KHDRBS2: variants seen among roughly 807,000 people sequenced by gnomAD.
KHDRBS2 encodes KH RNA binding domain containing, signal transduction associated 2, also known as KH domain-containing, RNA-binding, signal transduction-associated protein 2.
A neutral mutation model predicts 44.3 loss-of-function variants in KHDRBS2; 26 were observed. That is an observed-to-expected ratio of 0.59 (90% CI 0.43 to 0.81). The LOEUF is 0.81. KHDRBS2 is among the 40% of genes least tolerant of loss of function. The pLI is 0.00. For synonymous variants in KHDRBS2, 194 were observed against 151.1 expected (o/e 1.28, Z -2.08); for missense variants, 476 against 433.1 (o/e 1.10, Z -0.88).
chr6:61,726,724 C>T (rs551968711), intron 7 of KHDRBS2, among the ~76,000 whole-genome samples: 18 of 151,962 alleles, frequency 1.2e-4, no homozygotes, highest in South Asian at 4.2e-4. Flanking sequence ...AGGGAAGTGA[C>T]GGATCTCTTC....
At chr6:62,271,179 A>G (rs892029737) in intron 1 of KHDRBS2, among the ~76,000 whole-genome samples, 1 of 152,194 alleles carries the variant, frequency 6.6e-6, no homozygotes, top group Admixed American at 6.5e-5. Context: ...ATGTATGTGT[A>G]TGTGTATATA....
chr6:61,614,011 A>C, the KHDRBS2 span, among the ~76,000 whole-genome samples: 1 of 152,234 alleles, frequency 6.6e-6, no homozygotes, highest in Non-Finnish European at 1.5e-5. Flanking sequence ...GATTCAAGTC[A>C]AAAGTATTTT....
the KHDRBS2 span, among the ~76,000 whole-genome samples, chr6:61,590,755 TA>T: frequency 2.6e-5 from 4 of 152,164 alleles, no homozygotes; most frequent in Non-Finnish European, 5.9e-5. Flanking sequence ...CAATATGACA[TA>T]GTTATTCAAT....
chr6:61,604,885 C>T, the KHDRBS2 span, among the ~76,000 whole-genome samples: 3 of 152,084 alleles, frequency 2.0e-5, no homozygotes, highest in African/African-American at 7.2e-5. Flanking sequence ...CTTGGTCTGG[C>T]CTGGCCTTCC....
the KHDRBS2 span, among the ~76,000 whole-genome samples, chr6:61,560,131 C>CT: frequency 5.9e-5 from 9 of 152,128 alleles, no homozygotes; most frequent in African/African-American, 2.2e-4. Context: ...TCATGCCACT[C>CT]TTTCACAGCC....
rs529437951 is a variant in KHDRBS2 at position 62,058,599 on chromosome 6, T to C, written c.220-10605A>G. Among the ~76,000 whole-genome samples the C allele has an allele frequency of 1.7e-3, 262 of 151,952 alleles. 7 individuals are homozygous for C. In the South Asian group the frequency reaches 0.051, roughly 30 times the overall value. On this transcript the variant is annotated intron_variant, in intron 2 of 8. Coordinates refer to ENST00000281156, the MANE Select transcript of KHDRBS2 (RefSeq NM_152688.4). ...ATCAAAAATATTCTTCTTGTATAAA[T>C]AGAGAGGAAATGACAACATTTCAGG...
chr6:62,062,790 G>A (rs956380993), intron 2 of KHDRBS2, among the ~76,000 whole-genome samples: 3 of 147,566 alleles, frequency 2.0e-5, no homozygotes, highest in Non-Finnish European at 4.5e-5. Context: ...GAGCAGAACT[G>A]AAGGAAATAG....
chr6:61,960,730 T>C (rs1039557448), intron 4 of KHDRBS2, among the ~76,000 whole-genome samples: 7 of 152,190 alleles, frequency 4.6e-5, no homozygotes, highest in Non-Finnish European at 8.8e-5. Flanking sequence ...GATCAATTTT[T>C]CTTCCTATAC....
intron 2 of KHDRBS2, among the ~76,000 whole-genome samples, chr6:62,070,135 T>C (rs1794648085): frequency 6.6e-6 from 1 of 151,760 alleles, no homozygotes; most frequent in African/African-American, 2.4e-5. Context: ...GTTAAACCTA[T>C]TTGCATCCCT....
intron 2 of KHDRBS2, among the ~76,000 whole-genome samples, chr6:62,131,195 ATAG>A (rs1444819902): frequency 1.3e-5 from 2 of 152,204 alleles, no homozygotes; most frequent in African/African-American, 4.8e-5. Context: ...AGAACCTTTG[ATAG>A]TAGAAAAACT....
chr6:61,591,616 C>A, the KHDRBS2 span, among the ~76,000 whole-genome samples: 1 of 152,018 alleles, frequency 6.6e-6, no homozygotes. Flanking sequence ...GTTTGTGTGT[C>A]CCTTGGTCAC....
At chr6:61,673,465 GA>G in the KHDRBS2 span, among the ~76,000 whole-genome samples, 2 of 150,566 alleles carry the variant, frequency 1.3e-5, no homozygotes, top group Non-Finnish European at 3.0e-5. Context: ...ATTCAAATAG[GA>G]AAAGAGGAAG....
intron 3 of KHDRBS2, among the ~76,000 whole-genome samples, chr6:62,044,974 T>C (rs1004758671): frequency 1.3e-5 from 2 of 152,004 alleles, no homozygotes; most frequent in African/African-American, 2.4e-5. Flanking sequence ...CACATTGACA[T>C]GTTGAGTAGG....
At chr6:61,691,277 C>G (rs920290109) in intron 8 of KHDRBS2, among the ~76,000 whole-genome samples, 1 of 152,082 alleles carries the variant, frequency 6.6e-6, no homozygotes, top group East Asian at 1.9e-4. Flanking sequence ...TGGTGCACTG[C>G]TCTTTTTCAT....
At chr6:61,904,134 A>C (rs1171017332) in intron 4 of KHDRBS2, among the ~76,000 whole-genome samples, 4 of 152,114 alleles carry the variant, frequency 2.6e-5, no homozygotes. Flanking sequence ...CCCTGCCTAG[A>C]GGGGGAGTTC....
At position 62,067,454 on chromosome 6, in the gene KHDRBS2, CTGCTAACTCTTCAT is replaced by C. The variant is rs796644543; in HGVS notation, c.220-19474_220-19461del. ...TGCTGATAAATTTAAATTGTCATGGCTGCTAACTCTTCATTGTACTGAGTGTACATTCAGTCATG... is the reference window on the plus strand; with the variant it reads ...TGCTGATAAATTTAAATTGTCATGGCTGTACTGAGTGTACATTCAGTCATG... On this transcript the variant is annotated intron_variant, in intron 2 of 8. Coordinates refer to ENST00000281156, the MANE Select transcript of KHDRBS2 (RefSeq NM_152688.4). 1.1e-3 allele frequency among the ~76,000 whole-genome samples: 161 copies of C among 151,546 alleles called. 2 individuals are homozygous for C. The highest frequency in any genetic ancestry group is 3.6e-3 in the African/African-American group (149 of 41,408).
At chr6:62,026,441 T>TTATTATTA (rs369002597) in intron 3 of KHDRBS2, among the ~76,000 whole-genome samples, 5 of 121,678 alleles carry the variant, frequency 4.1e-5, no homozygotes, top group Admixed American at 2.4e-4. Context: ...TATTATTATT[T>TTATTATTA]TTTTTTTTGG....
chr6:61,812,907 T>C (rs1788354136), intron 6 of KHDRBS2, among the ~76,000 whole-genome samples: 1 of 152,102 alleles, frequency 6.6e-6, no homozygotes, highest in Non-Finnish European at 1.5e-5. Flanking sequence ...TATATGTATA[T>C]AGTTGTCTTT....
chr6:61,581,641 T>A, the KHDRBS2 span, among the ~76,000 whole-genome samples: 2 of 148,434 alleles, frequency 1.3e-5, no homozygotes, highest in Non-Finnish European at 3.0e-5. Context: ...TATATTTAAA[T>A]ATAGTTAAAA....
Sources: allele counts gnomAD v4.1 joint callset (sites outside exome capture counted in the v4.1 genomes callset), GRCh38; gene constraint gnomAD v4.1.1; transcripts MANE v1.5; gene names NCBI Gene and HGNC (gene_info 2026-07-23, HGNC 2026-07-21).